The following LDHA variants were observed in gnomAD, a reference collection of about 807,000 sequenced individuals.
LDHA encodes lactate dehydrogenase A, also known as L-lactate dehydrogenase A chain.
Under a neutral mutation model 36.3 loss-of-function variants are expected in LDHA, and 10 were observed. The ratio of observed to expected loss-of-function variants is 0.28; its 90% CI spans 0.17 to 0.47. LDHA has a LOEUF of 0.47. Among genes scored for constraint, LDHA ranks in the 20% least tolerant of loss-of-function variants. LDHA has a pLI of 0.99. For synonymous variants in LDHA, 110 were observed against 136.7 expected (o/e 0.80, Z 1.36); for missense variants, 267 against 405.8 (o/e 0.66, Z 2.94).
At position 18,400,959 on chromosome 11, in the gene LDHA, A is replaced by G. The variant is rs1420549816; in HGVS notation, c.367A>G (p.Asn123Asp). The change falls in exon 4 of 8, where the codon AAT becomes GAT. Residue 123 changes from asparagine (N) to aspartate (D), a missense_variant. Asn to Asp is a conservative substitution (Grantham distance 23). Transcript: ENST00000422447. Reference protein sequence around the residue: ...NVNIFKFIIPNVVKYSPNCKL... With the variant: ...NVNIFKFIIPDVVKYSPNCKL... ...GAACATCTTTAAATTCATCATTCCT[A>G]ATGTTGTAAAATACAGCCCGAACTG... 6.2e-7 allele frequency: 1 copy of G among 1,613,422 alleles called. No individual in the cohort carries two copies. Among genetic ancestry groups the G allele is most frequent in the Admixed American group, 1.7e-5 (1 of 59,938 alleles).
At chr11:18,399,308 C>T in intron 2 of LDHA, 123 bp from the exon 3 acceptor site, 1 of 739,708 alleles carries the variant, frequency 1.4e-6, no homozygotes, top group South Asian at 1.5e-5. Context: ...CTTTGAATAT[C>T]TCGATACTGT....
intron 3 of LDHA, chr11:18,400,119 C>T (rs1866428526): frequency 5.6e-6 from 1 of 179,290 alleles, no homozygotes; most frequent in South Asian, 1.2e-4. Context: ...CTGTATTTAA[C>T]CACATTGTGT....
chr11:18,397,854 A>G (rs1405977043), intron 2 of LDHA, among the ~76,000 whole-genome samples: 3 of 152,162 alleles, frequency 2.0e-5, no homozygotes, highest in Non-Finnish European at 4.4e-5. Flanking sequence ...TAATAAAAGT[A>G]AAATGATGAA....
rs1866410467 is a variant in LDHA at position 18,399,557 on chromosome 11, C to T, written c.244+9C>T. ...GATTGTCTCTGGCAAAGGTTGATTTCAACAAGTTTATATTATAATCCATGC... is the reference window on the plus strand; with the variant it reads ...GATTGTCTCTGGCAAAGGTTGATTTTAACAAGTTTATATTATAATCCATGC... On this transcript the variant is annotated intron_variant, in intron 3 of 7. Coordinates refer to ENST00000422447, the MANE Select transcript of LDHA (RefSeq NM_005566.4). 1.3e-6 allele frequency: 2 copies of T among 1,535,948 alleles called. No homozygotes were observed. The highest frequency in any genetic ancestry group is 1.8e-6 in the Non-Finnish European group (2 of 1,108,838).
intron 6 of LDHA, among the ~76,000 whole-genome samples, chr11:18,404,583 C>G (rs1866609478): frequency 6.6e-6 from 1 of 151,834 alleles, no homozygotes; most frequent in Non-Finnish European, 1.5e-5. Flanking sequence ...CCGAGGCAGG[C>G]AGATCACGAG....
chr11:18,400,649 C>T, intron 3 of LDHA, 188 bp from the exon 4 acceptor site: 2 of 673,204 alleles, frequency 3.0e-6, no homozygotes, highest in Non-Finnish European at 5.4e-6. Context: ...ATTGTAGTTA[C>T]ATAAAGTTAC....
At position 18,407,248 on chromosome 11, in the gene LDHA, A is replaced by C. The variant is rs765211774; in HGVS notation, c.966A>C (p.Thr322=). 14 of 1,613,830 alleles carry C rather than the reference A, an allele frequency of 8.7e-6. No homozygotes were observed. Among genetic ancestry groups the C allele is most frequent in the Non-Finnish European group, 1.0e-5 (12 of 1,179,882 alleles). The change falls in exon 8 of 8, where the codon ACA becomes ACC. Residue 322 remains threonine (T), a synonymous_variant. Transcript: ENST00000422447. ...CCCGTTTGAAGAAGAGTGCAGATAC[A>C]CTTTGGGGGATCCAAAAGGAGCTGC... is the stretch of plus-strand genomic sequence containing the variant. ...EEARLKKSAD[T]LWGIQKELQF
chr11:18,404,097 A>AT (rs1323537697), intron 6 of LDHA, among the ~76,000 whole-genome samples: 3 of 151,234 alleles, frequency 2.0e-5, no homozygotes, highest in African/African-American at 7.3e-5. Context: ...CGCCCGGCTA[A>AT]TTTTTTGTAT....
chr11:18,403,052 T>G (rs775447569), intron 5 of LDHA, 39 bp downstream of exon 5: 8 of 1,558,976 alleles, frequency 5.1e-6, no homozygotes, highest in Non-Finnish European at 7.1e-6. Context: ...TTGAAAAGAT[T>G]ATATAAAAAG....
intron 4 of LDHA, among the ~76,000 whole-genome samples, chr11:18,402,304 C>T (rs1866536690): frequency 6.6e-6 from 1 of 151,820 alleles, no homozygotes; most frequent in Non-Finnish European, 1.5e-5. Flanking sequence ...AAAACTGTTA[C>T]TATACTTTTT....
intron 3 of LDHA, 151 bp downstream of exon 3, chr11:18,399,699 T>C: frequency 1.5e-6 from 1 of 689,010 alleles, no homozygotes; most frequent in Non-Finnish European, 2.7e-6. Flanking sequence ...TCCTTCCACT[T>C]CATTACCCCC....
At chr11:18,396,142 C>G (rs1361060167) in intron 1 of LDHA, 1 of 173,676 alleles carries the variant, frequency 5.8e-6, no homozygotes, top group Non-Finnish European at 1.2e-5. Context: ...TCTCAGCCTT[C>G]TGCCTTCTGG....
chr11:18,396,547 G>A, intron 1 of LDHA: 1 of 1,333,768 alleles, frequency 7.5e-7, no homozygotes, highest in Non-Finnish European at 9.6e-7. Context: ...AATAAACCGC[G>A]ATGGGTGAAC....
chr11:18,404,668 C>T (rs1456014890), intron 6 of LDHA, among the ~76,000 whole-genome samples: 1 of 151,742 alleles, frequency 6.6e-6, no homozygotes, highest in South Asian at 2.1e-4. Flanking sequence ...ATTAGCCGGG[C>T]GTGGTGGCAG....
intron 1 of LDHA, chr11:18,396,529 T>C (rs781676694): frequency 3.5e-5 from 47 of 1,327,494 alleles, no homozygotes; most frequent in Admixed American, 2.6e-4. Context: ...CCAGCCCCAC[T>C]TGGGGTTAAT....
At chr11:18,401,084 A>T (rs761036795) in intron 4 of LDHA, 74 bp downstream of exon 4, 4 of 530,938 alleles carry the variant, frequency 7.5e-6, no homozygotes, top group Non-Finnish European at 8.5e-6. Flanking sequence ...TATTATATAT[A>T]TTTTAAATAT....
chr11:18,401,955 C>CTCTCTTTGTTTTTTTTTTTT (rs59534512), intron 4 of LDHA, among the ~76,000 whole-genome samples: 2 of 52,256 alleles, frequency 3.8e-5, no homozygotes, highest in South Asian at 9.4e-4. Flanking sequence ...TTGTTATTCT[C>CTCTCTTTGTTTTTTTTTTTT]TTTTTTTTTT....
intron 4 of LDHA, among the ~76,000 whole-genome samples, 179 bp downstream of exon 4, chr11:18,401,189 G>T (rs900559710): frequency 6.7e-6 from 1 of 149,206 alleles, no homozygotes; most frequent in Non-Finnish European, 1.5e-5. Flanking sequence ...TGCTCTTGTC[G>T]CCCAGGTTGG....
intron 4 of LDHA, chr11:18,402,549 C>T (rs1866544238): frequency 6.1e-5 from 22 of 358,984 alleles, no homozygotes; most frequent in South Asian, 5.2e-4. Flanking sequence ...CCTCCCACCT[C>T]AGCCTCCCAA....
Sources: allele counts gnomAD v4.1 joint callset (sites outside exome capture counted in the v4.1 genomes callset), GRCh38; gene constraint gnomAD v4.1.1; transcripts MANE v1.5; gene names NCBI Gene and HGNC (gene_info 2026-07-23, HGNC 2026-07-21).